The following RUFY3 variants were observed in gnomAD, a reference collection of about 807,000 sequenced individuals.
RUFY3 encodes protein RUFY3.
RUFY3 carries 34 observed loss-of-function variants against 84.0 expected under a neutral mutation model. That is an observed-to-expected ratio of 0.40 (90% CI 0.31 to 0.54). RUFY3 has a LOEUF of 0.54. Ranked by LOEUF, RUFY3 falls within the 20% of genes least tolerant of loss-of-function variation. RUFY3 has a pLI of 0.39. For synonymous variants in RUFY3, 242 were observed against 252.9 expected, an observed-to-expected ratio of 0.96 and a Z score of 0.41; for missense variants, 507 against 736.8, an observed-to-expected ratio of 0.69 and a Z score of 3.61.
chr4:70,803,183 ATCAGTTC>A, intron 16 of RUFY3, 200 bp downstream of exon 16: 1 of 448,542 alleles, frequency 2.2e-6, no homozygotes, highest in Non-Finnish European at 4.0e-6. Context: ...CTAAGTAAAC[ATCAGTTC>A]TCACCTATTT....
In RUFY3 at chr4:70,792,046, A is replaced by C. The variant is rs905739483; in HGVS notation, c.1338-1739A>C. 4 of 985,328 alleles carry C rather than the reference A, an allele frequency of 4.1e-6. No homozygotes were observed. The African/African-American group carries it at 7.0e-5, about 17-fold the overall frequency. 61.0% of individuals were successfully genotyped at this position (985,328 alleles called of 1,614,324 possible). On this transcript the variant is annotated intron_variant, in intron 12 of 17. Coordinates refer to ENST00000381006, the MANE Select transcript of RUFY3 (RefSeq NM_001037442.4). ...ACCCTCCTCATGTTTGTCATCTTCT[A>C]CCTCTGCCGTTTTCCTGCAATTCCG...
chr4:70,726,063 G>A (rs574361377), intron 1 of RUFY3, among the ~76,000 whole-genome samples: 6 of 152,218 alleles, frequency 3.9e-5, no homozygotes, highest in African/African-American at 7.2e-5. Context: ...GGATCAGAAG[G>A]ATATAAGCTC....
intron 4 of RUFY3, among the ~76,000 whole-genome samples, chr4:70,766,651 C>A (rs942946361): frequency 6.6e-6 from 1 of 152,118 alleles, no homozygotes; most frequent in Non-Finnish European, 1.5e-5. Context: ...ACCCTTCCCC[C>A]CTGTACAACC....
At chr4:70,718,521 A>G (rs183274905), upstream of RUFY3, among the ~76,000 whole-genome samples, 37 of 152,252 alleles carry the variant, frequency 2.4e-4, no homozygotes, top group Admixed American at 1.4e-3. Context: ...CCTCACAACC[A>G]TCTTACAAAT....
chr4:70,777,094 A>G (rs1295518078), intron 7 of RUFY3, among the ~76,000 whole-genome samples: 2 of 152,346 alleles, frequency 1.3e-5, no homozygotes, highest in African/African-American at 4.8e-5. Flanking sequence ...ACATGAGTCT[A>G]TCAAAATCCT....
intron 1 of RUFY3, among the ~76,000 whole-genome samples, chr4:70,724,134 A>T (rs1292913797): frequency 6.6e-6 from 1 of 152,080 alleles, no homozygotes; most frequent in Non-Finnish European, 1.5e-5. Flanking sequence ...TTTATTTTTT[A>T]TTATTATTTT....
exon 1 of RUFY3, chr4:70,705,184 C>A (rs900812239): frequency 2.3e-5 from 33 of 1,462,318 alleles, no homozygotes; most frequent in Non-Finnish European, 2.8e-5. Flanking sequence ...CGCCCGCCGC[C>A]GCAGCAGCAG....
chr4:70,795,358 C>T (rs78126613), intron 14 of RUFY3, among the ~76,000 whole-genome samples: 1,622 of 151,942 alleles, frequency 0.011, 26 homozygotes, highest in African/African-American at 0.037. Context: ...AGGAACTTCT[C>T]GTGGGAATAA....
chr4:70,727,286 A>G (rs556565106), intron 1 of RUFY3, among the ~76,000 whole-genome samples: 1 of 151,028 alleles, frequency 6.6e-6, no homozygotes, highest in African/African-American at 2.4e-5. Flanking sequence ...GCTCATATGT[A>G]TCTGAATTTC....
intron 2 of RUFY3, among the ~76,000 whole-genome samples, chr4:70,763,045 G>T (rs1490684208): frequency 6.6e-5 from 10 of 152,146 alleles, no homozygotes; most frequent in Non-Finnish European, 1.5e-5. Context: ...CAGGTCTCCC[G>T]ACTCTTGGGT....
chr4:70,797,365 C>T (rs549149812), intron 14 of RUFY3, among the ~76,000 whole-genome samples: 9 of 152,280 alleles, frequency 5.9e-5, no homozygotes, highest in Non-Finnish European at 1.2e-4. Flanking sequence ...AGTCCATGCA[C>T]AGTCTTTTCG....
upstream of RUFY3, among the ~76,000 whole-genome samples, chr4:70,720,528 C>T (rs1165623103): frequency 9.2e-6 from 1 of 108,330 alleles, no homozygotes; most frequent in East Asian, 3.0e-4. Context: ...AGTTTCTCTA[C>T]AGAATTTGAT....
intron 10 of RUFY3, among the ~76,000 whole-genome samples, chr4:70,785,762 G>A (rs1051934621): frequency 2.1e-4 from 32 of 152,232 alleles, no homozygotes; most frequent in African/African-American, 7.2e-4. Flanking sequence ...CTTGAACCTG[G>A]GAAGCGGAGG....
At chr4:70,784,729 A>G in intron 9 of RUFY3, 67 bp from the exon 10 acceptor site, 1 of 926,150 alleles carries the variant, frequency 1.1e-6, no homozygotes, top group Non-Finnish European at 1.5e-6. Flanking sequence ...GCTAAGTAGC[A>G]GTGTTAGTGT....
intron 8 of RUFY3, among the ~76,000 whole-genome samples, chr4:70,781,798 T>A (rs1353691581): frequency 6.6e-6 from 1 of 152,186 alleles, no homozygotes; most frequent in Non-Finnish European, 1.5e-5. Context: ...AATGAGGAGA[T>A]AATAATTGAG....
At chr4:70,754,996 C>T (rs1385523887) in intron 1 of RUFY3, among the ~76,000 whole-genome samples, 3 of 151,780 alleles carry the variant, frequency 2.0e-5, no homozygotes, top group Non-Finnish European at 2.9e-5. Flanking sequence ...CTCCGCTTCC[C>T]GGGTTGAAGC....
chr4:70,713,240 C>G (rs995449356), intron 1 of RUFY3, among the ~76,000 whole-genome samples: 35 of 152,230 alleles, frequency 2.3e-4, no homozygotes, highest in African/African-American at 8.2e-4. Context: ...CCAGGCTGGT[C>G]TTGAATTCCT....
At chr4:70,777,796 T>C (rs1335990654) in intron 7 of RUFY3, among the ~76,000 whole-genome samples, 1 of 152,254 alleles carries the variant, frequency 6.6e-6, no homozygotes, top group East Asian at 1.9e-4. Context: ...ATTTAATTCA[T>C]ATAGACTGTT....
upstream of RUFY3, among the ~76,000 whole-genome samples, chr4:70,719,790 T>G (rs1208696756): frequency 2.0e-5 from 3 of 152,196 alleles, no homozygotes; most frequent in Admixed American, 6.6e-5. Context: ...TTGTGTTCAG[T>G]ATTTGGATAT....
Sources: gnomAD v4.1 joint callset for allele counts (sites outside exome capture counted in the v4.1 genomes callset) on GRCh38, gnomAD v4.1.1 for gene constraint, MANE v1.5 for transcripts, NCBI Gene and HGNC (gene_info 2026-07-23, HGNC 2026-07-21) for gene names.